PRKAG2: variants seen among roughly 807,000 people sequenced by gnomAD.
The protein encoded by PRKAG2 is 5'-AMP-activated protein kinase subunit gamma-2.
Under a neutral mutation model 69.6 loss-of-function variants are expected in PRKAG2, and 26 were observed. That is an observed-to-expected ratio of 0.37 (90% CI 0.27 to 0.52). The LOEUF (loss-of-function observed/expected upper bound fraction) is 0.52, where lower values mean the gene tolerates loss of function less well. Ranked by LOEUF, PRKAG2 falls within the 20% of genes least tolerant of loss-of-function variation. PRKAG2 has a pLI of 0.90. For missense variants in PRKAG2, 557 were observed against 740.0 expected, an observed-to-expected ratio of 0.75 and a Z score of 2.87; for synonymous variants, 293 against 285.0, an observed-to-expected ratio of 1.03 and a Z score of -0.28.
intron 4 of PRKAG2, among the ~76,000 whole-genome samples, chr7:151,668,310 AG>A (rs1831333633): frequency 6.6e-6 from 1 of 152,190 alleles, no homozygotes; most frequent in South Asian, 2.1e-4. Flanking sequence ...TGAGCTTTCC[AG>A]CCTCCAGAAT....
chr7:151,627,487 A>G (rs1043296561), intron 5 of PRKAG2, among the ~76,000 whole-genome samples: 8 of 151,990 alleles, frequency 5.3e-5, no homozygotes, highest in Admixed American at 4.6e-4. Flanking sequence ...TTAGCCAGGC[A>G]TGCTGGTGCA....
intron 1 of PRKAG2, among the ~76,000 whole-genome samples, chr7:151,858,948 TC>T (rs1337886745): frequency 5.3e-5 from 8 of 152,252 alleles, no homozygotes; most frequent in Admixed American, 6.5e-5. Flanking sequence ...CTCTTCCTGC[TC>T]CTCTGCAAGG....
intron 1 of PRKAG2, among the ~76,000 whole-genome samples, chr7:151,798,647 T>A (rs951553008): frequency 6.6e-6 from 1 of 152,082 alleles, no homozygotes; most frequent in Non-Finnish European, 1.5e-5. Context: ...GTGTTGTGGG[T>A]GAAAAAGTCT....
At chr7:151,822,042 A>T (rs11770376) in intron 1 of PRKAG2, among the ~76,000 whole-genome samples, 1 of 152,132 alleles carries the variant, frequency 6.6e-6, no homozygotes, top group Non-Finnish European at 1.5e-5. Context: ...CGCGTGACTC[A>T]GGTGTCAGAG....
intron 3 of PRKAG2, among the ~76,000 whole-genome samples, chr7:151,734,848 C>CTTTTTTTTTTTTTTTTTTTTTTTTT (rs35008070): frequency 1.1e-5 from 1 of 90,082 alleles, no homozygotes. Flanking sequence ...AAATCTGATT[C>CTTTTTTTTTTTTTTTTTTTTTTTTT]TTTTTTTTTT....
At chr7:151,856,110 AG>A (rs2079769057) in intron 1 of PRKAG2, among the ~76,000 whole-genome samples, 1 of 152,202 alleles carries the variant, frequency 6.6e-6, no homozygotes, top group African/African-American at 2.4e-5. Flanking sequence ...AGCATACTCA[AG>A]TTTGCTACAT....
rs529761856 is a variant in PRKAG2 at position 151,876,827 on chromosome 7, A to G, written c.-207T>C. 22 of 622,936 alleles carry G rather than the reference A, an allele frequency of 3.5e-5. No homozygotes were observed. In the South Asian group the frequency reaches 3.8e-4, roughly 11 times the overall value. The allele number at this position is 622,936 out of a possible 1,614,324, so 38.6% of individuals were successfully genotyped here. On this transcript the variant is annotated 5_prime_UTR_variant, in exon 1 of 16. Transcript: ENST00000287878. ...GCGCCGAATTCAAGCGTCCTTTCCTACGGAACCCTCGTAGGCAAATCAGTC... is the reference window on the plus strand; with the variant it reads ...GCGCCGAATTCAAGCGTCCTTTCCTGCGGAACCCTCGTAGGCAAATCAGTC...
intron 1 of PRKAG2, among the ~76,000 whole-genome samples, chr7:151,858,806 A>C (rs2151904420): frequency 6.6e-6 from 1 of 152,328 alleles, no homozygotes. Context: ...TTCAGCAAGC[A>C]CCTGCTATGC....
At chr7:151,720,615 G>A (rs1024663284) in intron 3 of PRKAG2, among the ~76,000 whole-genome samples, 1 of 141,794 alleles carries the variant, frequency 7.1e-6, no homozygotes, top group Admixed American at 7.3e-5. Context: ...GTCCAGATGA[G>A]CAGAAATGGC....
rs1159760978 is a variant in PRKAG2 at position 151,870,154 on chromosome 7, T to TAGATAGATAGATAGGC, written c.114+6352_114+6353insGCCTATCTATCTATCT. On this transcript the variant is annotated intron_variant, in intron 1 of 15. Coordinates refer to ENST00000287878, the MANE Select transcript of PRKAG2 (RefSeq NM_016203.4). ...ATAGATAGATAGATAGATAGATAGA[T>TAGATAGATAGATAGGC]AGGCAGGCAGGCAGGCAGGCAGGCA... Among the ~76,000 whole-genome samples the TAGATAGATAGATAGGC allele has an allele frequency of 1.4e-3, 198 of 138,416 alleles. 2 individuals are homozygous for TAGATAGATAGATAGGC. Among genetic ancestry groups the TAGATAGATAGATAGGC allele is most frequent in the East Asian group, 0.014 (63 of 4,508 alleles). The allele number at this position is 138,416 out of a possible 152,430, so 90.8% of individuals were successfully genotyped here. A position where few individuals can be genotyped will look rare whatever the true frequency, so the allele number is the denominator to read the frequency against.
rs948614783 is a variant in PRKAG2 at position 151,835,332 on chromosome 7, G to A, written c.114+41175C>T. Among the ~76,000 whole-genome samples, 2 of 151,878 alleles carry A rather than the reference G, an allele frequency of 1.3e-5. No homozygotes were observed. The highest frequency in any genetic ancestry group is 2.4e-5 in the African/African-American group (1 of 41,334). ...CTCCTGGGCTCAAGTGATCCTCCAG[G>A]TAATATTTTTATTTTTTATTATTTT... is the stretch of plus-strand genomic sequence containing the variant. On this transcript the variant is annotated intron_variant, in intron 1 of 15. Coordinates refer to ENST00000287878, the MANE Select transcript of PRKAG2 (RefSeq NM_016203.4). This position sits in a 1 kb window ranked among gnomAD's most constrained non-coding sequence, Gnocchi z 4.1.
At chr7:151,855,223 G>C (rs199543318) in intron 1 of PRKAG2, among the ~76,000 whole-genome samples, 1,227 of 4,270 alleles carry the variant, frequency 0.29, 1 homozygote, top group Admixed American at 0.33. Context: ...CACACACCAC[G>C]CTCCACACAC....
chr7:151,826,530 A>G (rs1045773794), intron 1 of PRKAG2, among the ~76,000 whole-genome samples: 3 of 152,108 alleles, frequency 2.0e-5, no homozygotes, highest in African/African-American at 7.2e-5. Context: ...CCAGCTCTTC[A>G]TAAGGAGGAA....
At position 151,876,918 on chromosome 7, in the gene PRKAG2, A is replaced by C. The variant is rs946156695; in HGVS notation, c.-298T>G. The stretch of plus-strand genomic sequence containing the variant: ...GGCTGAGGTCTCCCGCTGGGTGACA[A>C]AGTTTTCTTCCTTTTGCAAAGCTAA... On this transcript the variant is annotated 5_prime_UTR_variant, in exon 1 of 16. Coordinates refer to ENST00000287878, the MANE Select transcript of PRKAG2 (RefSeq NM_016203.4). The C allele has an allele frequency of 1.2e-5, 6 of 499,702 alleles. No homozygotes were observed. The highest frequency in any genetic ancestry group is 9.8e-5 in the Admixed American group (3 of 30,508). The allele number at this position is 499,702 out of a possible 1,614,324, so 31.0% of individuals were successfully genotyped here. A position where few individuals can be genotyped will look rare whatever the true frequency, so the allele number is the denominator to read the frequency against.
At chr7:151,563,521 T>C (rs1805552932) in intron 14 of PRKAG2, among the ~76,000 whole-genome samples, 1 of 152,234 alleles carries the variant, frequency 6.6e-6, no homozygotes, top group African/African-American at 2.4e-5. Context: ...AATATTCAAA[T>C]GGAACTTAAA....
In PRKAG2 at chr7:151,632,431, G is replaced by T; in HGVS notation, c.685-293C>A. ...TACGGCCCGCCCGGGAGGAAGCGTG[G>T]GAAGGGACCCGGGAGCTCGAGGGCG... On this transcript the variant is annotated intron_variant, in intron 4 of 15. Transcript: ENST00000287878. The surrounding 1 kb of genome is among the most constrained non-coding windows in gnomAD (Gnocchi z 4.2). 1 of 559,030 alleles carries T rather than the reference G, an allele frequency of 1.8e-6. No individual in the cohort carries two copies. The highest frequency in any genetic ancestry group is 2.3e-6 in the Non-Finnish European group (1 of 441,368). The allele number at this position is 559,030 out of a possible 1,614,324, so 34.6% of individuals were successfully genotyped here. A position where few individuals can be genotyped will look rare whatever the true frequency, so the allele number is the denominator to read the frequency against.
In PRKAG2 at chr7:151,557,002, A is replaced by C. The variant is rs1264840937; in HGVS notation, c.*199T>G. 20 of 797,232 alleles carry C rather than the reference A, an allele frequency of 2.5e-5. No individual in the cohort carries two copies. Among genetic ancestry groups the C allele is most frequent in the Non-Finnish European group, 3.7e-5 (19 of 506,858 alleles). 49.4% of individuals were successfully genotyped at this position (797,232 alleles called of 1,614,324 possible). ...ATCCTTCAGACAAAGGTCTGAAAAC[A>C]GTCTTTTAATGCAAGCCTGAATCTT... is the stretch of plus-strand genomic sequence containing the variant. On this transcript the variant is annotated 3_prime_UTR_variant, in exon 16 of 16. Transcript: ENST00000287878.
chr7:151,707,095 A>T (rs1316818099), intron 3 of PRKAG2, among the ~76,000 whole-genome samples: 3 of 151,328 alleles, frequency 2.0e-5, no homozygotes, highest in African/African-American at 7.3e-5. Context: ...ACAGGGGACC[A>T]CAAGTCCCCA....
chr7:151,710,910 T>C (rs555445963), intron 3 of PRKAG2, among the ~76,000 whole-genome samples: 1 of 152,264 alleles, frequency 6.6e-6, no homozygotes, highest in African/African-American at 2.4e-5. Context: ...GGGTCCAGAG[T>C]ACTAAGAGTG....
Sources: allele counts gnomAD v4.1 joint callset (sites outside exome capture counted in the v4.1 genomes callset), GRCh38; gene constraint gnomAD v4.1.1; non-coding constraint Gnocchi (gnomAD v3.1); transcripts MANE v1.5; gene names NCBI Gene and HGNC (gene_info 2026-07-23, HGNC 2026-07-21).